NPR3: variants seen among roughly 807,000 people sequenced by gnomAD.
NPR3 encodes the protein atrial natriuretic peptide receptor 3.
NPR3 carries 34 observed loss-of-function variants against 54.5 expected under a neutral mutation model. That is an observed-to-expected ratio of 0.62 (90% CI 0.47 to 0.83). NPR3 has a LOEUF of 0.83. Among genes scored for constraint, NPR3 ranks in the 40% least tolerant of loss-of-function variants. The probability of loss-of-function intolerance (pLI) is 0.00; values close to 1 mark genes in which losing one functional copy is unlikely to be tolerated. For missense variants in NPR3, 674 were observed against 720.8 expected, an observed-to-expected ratio of 0.94 and a Z score of 0.74; for synonymous variants, 289 against 297.1, an observed-to-expected ratio of 0.97 and a Z score of 0.28.
chr5:32,739,886 T>A (rs1006869648), intron 3 of NPR3, among the ~76,000 whole-genome samples: 4 of 152,136 alleles, frequency 2.6e-5, no homozygotes, highest in African/African-American at 9.7e-5. Flanking sequence ...TTCTTCCTCC[T>A]CTTCTTTTTT....
chr5:32,696,721 T>G (rs1316157846), intron 1 of NPR3, among the ~76,000 whole-genome samples: 1 of 152,142 alleles, frequency 6.6e-6, no homozygotes, highest in Non-Finnish European at 1.5e-5. Context: ...TTTCACTTCT[T>G]TGGTTAATTC....
upstream of NPR3, among the ~76,000 whole-genome samples, chr5:32,708,441 C>CTATA (rs762130518): frequency 2.8e-3 from 426 of 151,286 alleles, 3 homozygotes; most frequent in Middle Eastern, 0.01. Context: ...CCAAACTTAG[C>CTATA]TATATATATA....
intron 1 of NPR3, among the ~76,000 whole-genome samples, chr5:32,701,961 T>G (rs1455467504): frequency 6.6e-6 from 1 of 152,242 alleles, no homozygotes; most frequent in Non-Finnish European, 1.5e-5. Flanking sequence ...CCACTGGGAC[T>G]GTGCTGGGTC....
intron 3 of NPR3, among the ~76,000 whole-genome samples, chr5:32,762,578 C>T (rs1402418343): frequency 6.6e-6 from 1 of 151,944 alleles, no homozygotes; most frequent in African/African-American, 2.4e-5. Flanking sequence ...TTGTCAGCCA[C>T]ATAAATGTCT....
intron 1 of NPR3, among the ~76,000 whole-genome samples, chr5:32,703,611 G>A (rs1214723097): frequency 6.6e-6 from 1 of 152,130 alleles, no homozygotes; most frequent in Non-Finnish European, 1.5e-5. Context: ...CAAGGCAGCA[G>A]GTTCCCTCCT....
intron 3 of NPR3, among the ~76,000 whole-genome samples, chr5:32,761,859 G>T (rs555693084): frequency 2.6e-5 from 4 of 151,244 alleles, no homozygotes; most frequent in African/African-American, 4.9e-5. Context: ...TTGTTACATA[G>T]GTATACACGT....
chr5:32,778,790 A>G (rs1742196308), intron 4 of NPR3, among the ~76,000 whole-genome samples: 1 of 152,222 alleles, frequency 6.6e-6, no homozygotes, highest in African/African-American at 2.4e-5. Flanking sequence ...AATAGCTTAA[A>G]GGTATAATGA....
At position 32,781,395 on chromosome 5, in the gene NPR3, T is replaced by G. The variant is rs1742331628; in HGVS notation, c.1290+579T>G. On this transcript the variant is annotated intron_variant, in intron 5 of 7. Coordinates refer to ENST00000265074, the MANE Select transcript of NPR3 (RefSeq NM_001204375.2). ...CTATCTACATTTTAAATTATAAATA[T>G]ACATATACAATTATACAAATATGCA... Among the ~76,000 whole-genome samples the G allele has an allele frequency of 2.0e-5, 3 of 152,310 alleles. No individual in the cohort carries two copies. In the South Asian group the frequency reaches 6.2e-4, roughly 32 times the overall value.
chr5:32,743,850 T>C (rs1740155250), intron 3 of NPR3, among the ~76,000 whole-genome samples: 1 of 152,150 alleles, frequency 6.6e-6, no homozygotes, highest in Non-Finnish European at 1.5e-5. Context: ...AAGTGTTGCA[T>C]ATGCTATAAT....
At chr5:32,704,287 C>T (rs1410481820) in intron 1 of NPR3, among the ~76,000 whole-genome samples, 1 of 151,878 alleles carries the variant, frequency 6.6e-6, no homozygotes, top group African/African-American at 2.4e-5. Flanking sequence ...TTTTTAATGC[C>T]CCTTTCAGTG....
chr5:32,718,833 C>T (rs1047852045), intron 1 of NPR3, among the ~76,000 whole-genome samples: 1 of 152,098 alleles, frequency 6.6e-6, no homozygotes, highest in Non-Finnish European at 1.5e-5. Context: ...AATTGAATAC[C>T]CTTTATTTCT....
Position 32,790,865 on chromosome 5 carries a change from G to A in NPR3, c.*4520G>A, listed in dbSNP as rs185185212. 19 of 167,166 alleles carry A rather than the reference G, an allele frequency of 1.1e-4. No individual in the cohort carries two copies. The East Asian group carries it at 3.3e-3, about 29-fold the overall frequency. 10.4% of individuals were successfully genotyped at this position (167,166 alleles called of 1,614,324 possible). ...ATAGCTCTGTGATATATCAGTGGGAGATGATTCATAGGGGAGAGATTTGAA... is the reference window on the plus strand; with the variant it reads ...ATAGCTCTGTGATATATCAGTGGGAAATGATTCATAGGGGAGAGATTTGAA... On this transcript the variant is annotated 3_prime_UTR_variant, in exon 8 of 8. Transcript: ENST00000265074.
At chr5:32,705,096 C>T (rs780933359), upstream of NPR3, among the ~76,000 whole-genome samples, 7 of 152,116 alleles carry the variant, frequency 4.6e-5, no homozygotes, top group Non-Finnish European at 8.8e-5. Flanking sequence ...AAAATGAATT[C>T]TGCTGAAATT....
At position 32,712,064 on chromosome 5, in the gene NPR3, C is replaced by A; in HGVS notation, c.288C>A (p.Gly96=). The A allele has an allele frequency of 6.2e-7, 1 of 1,613,878 alleles. No homozygotes were observed. Among genetic ancestry groups the A allele is most frequent in the South Asian group, 1.1e-5 (1 of 91,090 alleles). Residue 96 remains glycine (G), a synonymous_variant, in exon 1 of 8, where the codon GGC becomes GGA. Coordinates refer to ENST00000265074, the MANE Select transcript of NPR3 (RefSeq NM_001204375.2). ...CTGGGAGGCGGCTTCTGCCGCCGGG[C>A]ACTCGCTTCCAGGTGGCTTACGAGG... ...NGTGRRLLPP[G]TRFQVAYEDS...
At chr5:32,710,537 C>G, upstream of NPR3, 1 of 1,149,800 alleles carries the variant, frequency 8.7e-7, no homozygotes, top group Non-Finnish European at 1.2e-6. Flanking sequence ...AGCTGGGACA[C>G]TGTGACCTCG....
chr5:32,738,562 A>G (rs1015671075), intron 2 of NPR3, among the ~76,000 whole-genome samples: 10 of 152,224 alleles, frequency 6.6e-5, no homozygotes, highest in Non-Finnish European at 8.8e-5. Context: ...TTTCTCTTAC[A>G]GTGCTGCAAT....
rs56136405 is a variant in NPR3, at chr5:32,719,324, C to T, written c.770-5374C>T. ...TTCATTATGTTTTTGTTTTGTTGGA[C>T]CACATCCTCCAAGAGCTTTCTGAGA... On this transcript the variant is annotated intron_variant, in intron 1 of 7. Coordinates refer to ENST00000265074, the MANE Select transcript of NPR3 (RefSeq NM_001204375.2). Among the ~76,000 whole-genome samples, 393 of 152,166 alleles carry T rather than the reference C, an allele frequency of 2.6e-3. 5 individuals carry two copies. The highest frequency in any genetic ancestry group is 9.2e-3 in the African/African-American group (380 of 41,524).
In NPR3 at chr5:32,711,641, G is replaced by C. The variant is rs1166743223; in HGVS notation, c.-136G>C. Reference sequence around the variant, plus strand: ...TCTATCTTTTGGCGCATTAGTGAAGGGGGTATTCTATTTTGTTAAAGCGCC... The same window carrying C: ...TCTATCTTTTGGCGCATTAGTGAAGCGGGTATTCTATTTTGTTAAAGCGCC... On this transcript the variant is annotated 5_prime_UTR_variant, in exon 1 of 8. Transcript: ENST00000265074. 2 of 1,277,902 alleles carry C rather than the reference G, an allele frequency of 1.6e-6. No homozygotes were observed. Among genetic ancestry groups the C allele is most frequent in the Non-Finnish European group, 2.0e-6 (2 of 1,016,898 alleles). The allele number at this position is 1,277,902 out of a possible 1,614,324, so 79.2% of individuals were successfully genotyped here.
intron 3 of NPR3, among the ~76,000 whole-genome samples, chr5:32,739,730 A>G (rs1259215554): frequency 6.6e-6 from 1 of 152,164 alleles, no homozygotes; most frequent in East Asian, 1.9e-4. Flanking sequence ...ACTGCCTCTG[A>G]CATGCTTTGC....
Sources: gnomAD v4.1 joint callset for allele counts (sites outside exome capture counted in the v4.1 genomes callset) on GRCh38, gnomAD v4.1.1 for gene constraint, MANE v1.5 for transcripts, NCBI Gene and HGNC (gene_info 2026-07-23, HGNC 2026-07-21) for gene names.